ISOC1: variants seen among roughly 807,000 people sequenced by gnomAD.
ISOC1 encodes the protein isochorismatase domain containing 1.
In ISOC1, 33 loss-of-function variants were observed where a neutral mutation model predicts 30.0. That is an observed-to-expected ratio of 1.10 (90% confidence interval 0.83 to 1.47). The LOEUF (loss-of-function observed/expected upper bound fraction) is 1.47. Among genes scored for constraint, ISOC1 ranks in the 40% most tolerant of loss-of-function variants. The pLI is 0.00. For synonymous variants in ISOC1, 178 were observed against 159.8 expected, an observed-to-expected ratio of 1.11 and a Z score of -0.86; for missense variants, 372 against 388.0, an observed-to-expected ratio of 0.96 and a Z score of 0.35.
At chr5:129,105,135 A>G (rs921766036) in intron 2 of ISOC1, 50 bp from the exon 3 acceptor site, 1 of 1,606,858 alleles carries the variant, frequency 6.2e-7, no homozygotes, top group African/African-American at 1.3e-5. Context: ...TCATATATAC[A>G]CATATATGTA....
intron 3 of ISOC1, among the ~76,000 whole-genome samples, chr5:129,106,059 T>TCAATATTCAAA (rs1753634588): frequency 1.3e-5 from 2 of 152,220 alleles, no homozygotes. Flanking sequence ...GGCTTAGATG[T>TCAATATTCAAA]ATATTCAATA....
chr5:129,104,008 A>C (rs1235679919), intron 1 of ISOC1, among the ~76,000 whole-genome samples: 1 of 152,172 alleles, frequency 6.6e-6, no homozygotes, highest in Non-Finnish European at 1.5e-5. Context: ...TGGTGGATCC[A>C]TATTGGGCCC....
intron 4 of ISOC1, among the ~76,000 whole-genome samples, chr5:129,109,755 G>C (rs1753682194): frequency 6.6e-6 from 1 of 152,120 alleles, no homozygotes; most frequent in Non-Finnish European, 1.5e-5. Flanking sequence ...TTTGAGGAAG[G>C]GGGCAATGTT....
intron 1 of ISOC1, among the ~76,000 whole-genome samples, 165 bp from the exon 2 acceptor site, chr5:129,104,791 G>GT (rs575687454): frequency 0.047 from 6,961 of 147,636 alleles, 344 homozygotes; most frequent in African/African-American, 0.12. Flanking sequence ...ATCTTTTTGA[G>GT]TTTTTTTTTT....
In ISOC1 at chr5:129,103,686, A is replaced by G. The variant is rs374979293; in HGVS notation, c.310-1270A>G. ...TGTAGTAATTGTTTCCAGAGAGTCA[A>G]CCCCTGCAGAGATACTAAGGAGAGT... On this transcript the variant is annotated intron_variant, in intron 1 of 4. Coordinates refer to ENST00000173527, the MANE Select transcript of ISOC1 (RefSeq NM_016048.2). 5.9e-5 allele frequency among the ~76,000 whole-genome samples: 9 copies of G among 152,238 alleles called. No individual in the cohort carries two copies. The East Asian group carries it at 1.7e-3, about 29-fold the overall frequency.
chr5:129,109,378 T>C (rs368641705), intron 4 of ISOC1, among the ~76,000 whole-genome samples: 14 of 152,204 alleles, frequency 9.2e-5, no homozygotes, highest in Non-Finnish European at 1.3e-4. Context: ...TGAGATAATA[T>C]ATTGATAGCA....
chr5:129,096,393 T>G (rs992181286), intron 1 of ISOC1, among the ~76,000 whole-genome samples: 1 of 152,162 alleles, frequency 6.6e-6, no homozygotes, highest in Admixed American at 6.5e-5. Context: ...ATTGATGATG[T>G]TTCCTGTCAC....
chr5:129,110,837 G>A (rs146585470), intron 4 of ISOC1, among the ~76,000 whole-genome samples: 20 of 152,210 alleles, frequency 1.3e-4, no homozygotes, highest in Non-Finnish European at 2.6e-4. Flanking sequence ...ACCTTTATTG[G>A]CACATTGGAG....
At chr5:129,103,889 C>T (rs924368634) in intron 1 of ISOC1, among the ~76,000 whole-genome samples, 1 of 152,134 alleles carries the variant, frequency 6.6e-6, no homozygotes, top group Admixed American at 6.5e-5. Flanking sequence ...AGGACCAGAA[C>T]ACATCCTTTA....
At chr5:129,103,687 C>A (rs1284944473) in intron 1 of ISOC1, among the ~76,000 whole-genome samples, 1 of 152,090 alleles carries the variant, frequency 6.6e-6, no homozygotes, top group Admixed American at 6.5e-5. Context: ...AGAGAGTCAA[C>A]CCCTGCAGAG....
chr5:129,111,013 A>T (rs751458500), intron 4 of ISOC1, among the ~76,000 whole-genome samples: 1 of 152,160 alleles, frequency 6.6e-6, no homozygotes, highest in African/African-American at 2.4e-5. Flanking sequence ...ATGACTTGAC[A>T]TTCAGTGCTG....
intron 4 of ISOC1, among the ~76,000 whole-genome samples, chr5:129,108,336 A>T (rs551508024): frequency 3.3e-5 from 5 of 152,106 alleles, no homozygotes; most frequent in Non-Finnish European, 7.4e-5. Context: ...TAGGGTCCTT[A>T]TTGGCTCTCC....
chr5:129,107,122 A>G lies in ISOC1; in HGVS notation c.750+60A>G. On this transcript the variant is annotated intron_variant, in intron 4 of 4. Transcript: ENST00000173527. ...AGTTTTCCAAATAAATGAGAAGAAT[A>G]CTGGATATTTAACAGTAATGAAAGG... 8 of 1,313,394 alleles carry G rather than the reference A, an allele frequency of 6.1e-6. No individual in the cohort carries two copies. The Admixed American group carries it at 1.2e-4, about 19-fold the overall frequency. 81.4% of individuals were successfully genotyped at this position (1,313,394 alleles called of 1,614,324 possible).
At position 129,113,755 on chromosome 5, in the gene ISOC1, ATATTC is replaced by A. The variant is rs756965452; in HGVS notation, c.*757_*761del. 8 of 152,150 alleles carry A rather than the reference ATATTC, an allele frequency of 5.3e-5. No individual in the cohort carries two copies. The highest frequency in any genetic ancestry group is 1.2e-4 in the Non-Finnish European group (8 of 68,010). The allele number at this position is 152,150 out of a possible 1,614,324, so 9.4% of individuals were successfully genotyped here. A position where few individuals can be genotyped will look rare whatever the true frequency, so the allele number is the denominator to read the frequency against. On this transcript the variant is annotated 3_prime_UTR_variant, in exon 5 of 5. Coordinates refer to ENST00000173527, the MANE Select transcript of ISOC1 (RefSeq NM_016048.2). ...ATATCTTTACCAACATCTTGAATAT[ATATTC>A]TAGTGTCCACAAGATTTAGCAAAAA...
chr5:129,095,138 C>A, intron 1 of ISOC1, 63 bp downstream of exon 1: 1 of 1,441,426 alleles, frequency 6.9e-7, no homozygotes, highest in Non-Finnish European at 9.1e-7. Context: ...CCGTCCCTGT[C>A]CCCGCCTTCG....
chr5:129,112,919 A>G lies in ISOC1; in HGVS notation c.815A>G (p.Asp272Gly). The change falls in exon 5 of 5, where the codon GAT (aspartate) becomes GGT (glycine). Residue 272 changes from aspartate (D) to glycine (G), a missense_variant. Asp to Gly is a moderately conservative substitution (Grantham distance 94). Transcript: ENST00000173527. Reference protein sequence around the residue: ...SEAVLLQLVADKDHPKFKEIQ... With the variant: ...SEAVLLQLVAGKDHPKFKEIQ... ...GCTGTTCTGCTTCAGCTGGTAGCTG[A>G]TAAGGACCATCCAAAATTCAAGGAA... is the stretch of plus-strand genomic sequence containing the variant. 3 of 1,613,854 alleles carry G rather than the reference A, an allele frequency of 1.9e-6. No individual in the cohort carries two copies. The highest frequency in any genetic ancestry group is 2.5e-6 in the Non-Finnish European group (3 of 1,179,808).
In ISOC1 at chr5:129,105,193, G is replaced by T. The variant is rs1399760014; in HGVS notation, c.438G>T (p.Gly146=). The change falls in exon 3 of 5, where the codon GGG becomes GGT. Residue 146 remains glycine, a synonymous_variant. Transcript: ENST00000173527. ...IISVGQRLLQ[G]ARILGIPVIV... is the part of the protein sequence containing the mutation. ...TGGTTATTTTTTTTCAGTTGCAAGG[G>T]GCCCGGATTTTAGGAATTCCTGTTA... is the stretch of plus-strand genomic sequence containing the variant. 3 of 1,613,204 alleles carry T rather than the reference G, an allele frequency of 1.9e-6. No homozygotes were observed. Among genetic ancestry groups the T allele is most frequent in the African/African-American group, 1.3e-5 (1 of 74,730 alleles).
intron 1 of ISOC1, among the ~76,000 whole-genome samples, chr5:129,101,161 C>CA (rs1156603818): frequency 0.022 from 426 of 19,502 alleles, 101 homozygotes; most frequent in Non-Finnish European, 0.031. Flanking sequence ...CTCAGCTAAT[C>CA]AAAAAAAAAA....
chr5:129,107,177 A>C, intron 4 of ISOC1, 115 bp downstream of exon 4: 2 of 755,866 alleles, frequency 2.6e-6, no homozygotes, highest in Non-Finnish European at 4.6e-6. Context: ...TTGGTCTGGC[A>C]ATATCAGACT....
Sources: allele counts gnomAD v4.1 joint callset (sites outside exome capture counted in the v4.1 genomes callset), GRCh38; gene constraint gnomAD v4.1.1; transcripts MANE v1.5; gene names NCBI Gene and HGNC (gene_info 2026-07-23, HGNC 2026-07-21).